ALMS1: variants seen among roughly 807,000 people sequenced by gnomAD.
ALMS1 encodes centrosome-associated protein ALMS1.
Under a neutral mutation model 352.2 loss-of-function variants are expected in ALMS1, and 271 were observed. The observed-to-expected ratio is 0.77, with a 90% CI of 0.70 to 0.85. The LOEUF is 0.85. ALMS1 is among the 40% of genes least tolerant of loss of function. ALMS1 has a pLI of 0.00. For synonymous variants in ALMS1, 1,865 were observed against 1,761.2 expected (o/e 1.06, Z -1.48); for missense variants, 5,445 against 4,870.7 (o/e 1.12, Z -3.51).
At position 73,416,823 on chromosome 2, in the gene ALMS1, T is replaced by G. The variant is rs143234558; in HGVS notation, c.451-2300T>G. The stretch of plus-strand genomic sequence containing the variant: ...GAATTATTTAACCAAAGATTTTACA[T>G]AAAGACTCAAAAACTTGTAATCCCA... On this transcript the variant is annotated intron_variant, in intron 2 of 22. Coordinates refer to ENST00000613296, the MANE Select transcript of ALMS1 (RefSeq NM_001378454.1). 2.0e-5 allele frequency among the ~76,000 whole-genome samples: 3 copies of G among 152,290 alleles called. No individual in the cohort carries two copies. In the East Asian group the frequency reaches 5.8e-4, roughly 29 times the overall value.
At chr2:73,474,140 ATT>A (rs200469759) in intron 9 of ALMS1, among the ~76,000 whole-genome samples, 7 of 150,578 alleles carry the variant, frequency 4.6e-5, no homozygotes, top group Non-Finnish European at 8.9e-5. Flanking sequence ...GCTTTAACAG[ATT>A]TTTTTTTTAA....
intron 11 of ALMS1, 96 bp from the exon 12 acceptor site, chr2:73,534,728 C>A: frequency 7.3e-7 from 1 of 1,375,020 alleles, no homozygotes; most frequent in Non-Finnish European, 1.0e-6. Flanking sequence ...TTCCAAAAGT[C>A]ATGAACACTG....
At chr2:73,583,485 A>T (rs1675234024) in intron 16 of ALMS1, among the ~76,000 whole-genome samples, 1 of 152,076 alleles carries the variant, frequency 6.6e-6, no homozygotes, top group African/African-American at 2.4e-5. Flanking sequence ...CCTGATGTAC[A>T]AGTTTTTAAG....
intron 12 of ALMS1, among the ~76,000 whole-genome samples, chr2:73,535,693 A>C (rs1674012696): frequency 6.6e-6 from 1 of 152,174 alleles, no homozygotes; most frequent in African/African-American, 2.4e-5. Context: ...TAGGAAATGA[A>C]TAATACCCCA....
At chr2:73,520,915 C>T (rs1298430472) in intron 11 of ALMS1, among the ~76,000 whole-genome samples, 1 of 152,088 alleles carries the variant, frequency 6.6e-6, no homozygotes, top group African/African-American at 2.4e-5. Context: ...GGAGACTTTA[C>T]TAATTTTTAA....
chr2:73,402,239 CCTTTTCTTT>C (rs1292971421), intron 1 of ALMS1, among the ~76,000 whole-genome samples: 12 of 147,620 alleles, frequency 8.1e-5, no homozygotes, highest in African/African-American at 2.5e-4. Flanking sequence ...GAAAAGTAGT[CCTTTTCTTT>C]CTTTTCTTTC....
intron 16 of ALMS1, among the ~76,000 whole-genome samples, chr2:73,578,083 T>A (rs1280075877): frequency 6.6e-6 from 1 of 152,200 alleles, no homozygotes; most frequent in African/African-American, 2.4e-5. Flanking sequence ...TGTATGTTCA[T>A]AATTGTTATA....
chr2:73,559,646 A>C (rs1286924648), intron 15 of ALMS1, among the ~76,000 whole-genome samples: 1 of 152,206 alleles, frequency 6.6e-6, no homozygotes, highest in Non-Finnish European at 1.5e-5. Flanking sequence ...GGAACAGCCT[A>C]CATAAGGAGA....
chr2:73,601,426 C>A lies in ALMS1; in HGVS notation c.12104C>A (p.Ala4035Glu), dbSNP rs1282752245. The change falls in exon 19 of 23, where the codon GCA becomes GAA. Residue 4035 changes from alanine (A) to glutamate (E), a missense_variant. Transcript: ENST00000613296. Reference protein sequence around the residue: ...GRDLLRPFVRATLQESLQFHR... With the variant: ...GRDLLRPFVRETLQESLQFHR... The stretch of plus-strand genomic sequence containing the variant: ...GACCTACTGAGGCCATTTGTGAGAG[C>A]AACCCTTCAGGTGCAGTGACGTTGA... 6.2e-7 allele frequency: 1 copy of A among 1,614,052 alleles called. No individual in the cohort carries two copies. The highest frequency in any genetic ancestry group is 1.7e-5 in the Admixed American group (1 of 60,024).
Position 73,490,993 on chromosome 2 carries a change from G to A in ALMS1, c.9034G>A (p.Val3012Ile), listed in dbSNP as rs745639518. ...KPKSHISNIN[V>I]EAKFNTVVSQ... ...TAAATCACACATTTCTAATATAAAT[G>A]TTGAAGCCAAGTTCAATACTGTGGT... The change falls in exon 10 of 23, where the codon GTT (valine) becomes ATT (isoleucine). Residue 3012 changes from valine (V) to isoleucine (I), a missense_variant. Physicochemically the swap from Val to Ile is conservative, Grantham distance 29. Coordinates refer to ENST00000613296, the MANE Select transcript of ALMS1 (RefSeq NM_001378454.1). 2 of 1,614,212 alleles carry A rather than the reference G, an allele frequency of 1.2e-6. No individual in the cohort carries two copies. Among genetic ancestry groups the A allele is most frequent in the Non-Finnish European group, 1.7e-6 (2 of 1,180,028 alleles).
chr2:73,474,414 T>C (rs1167594234), intron 9 of ALMS1, among the ~76,000 whole-genome samples: 2 of 151,342 alleles, frequency 1.3e-5, no homozygotes, highest in Non-Finnish European at 3.0e-5. Context: ...TGTGTGTCTA[T>C]TGGTTTACAT....
In ALMS1 at chr2:73,465,083, A is replaced by G. The variant is rs369450209; in HGVS notation, c.7674+9788A>G. Among the ~76,000 whole-genome samples, 47 of 152,334 alleles carry G rather than the reference A, an allele frequency of 3.1e-4. No individual in the cohort carries two copies. In the South Asian group the frequency reaches 6.6e-3, roughly 21 times the overall value. On this transcript the variant is annotated intron_variant, in intron 9 of 22. Transcript: ENST00000613296. ...CTACCAGTGGTAATTTATAGATTCAATGCCATCCCCATCAAGCTACCGGTG... is the reference window on the plus strand; with the variant it reads ...CTACCAGTGGTAATTTATAGATTCAGTGCCATCCCCATCAAGCTACCGGTG...
In ALMS1 at chr2:73,415,302, T is replaced by G. The variant is rs1206497255; in HGVS notation, c.451-3821T>G. On this transcript the variant is annotated intron_variant, in intron 2 of 22. Coordinates refer to ENST00000613296, the MANE Select transcript of ALMS1 (RefSeq NM_001378454.1). ...GTTGAACAGAGGTTGTTTTAAAAATTCAGTTTATAATGGGAAATTATAAGA... is the reference window on the plus strand; with the variant it reads ...GTTGAACAGAGGTTGTTTTAAAAATGCAGTTTATAATGGGAAATTATAAGA... Among the ~76,000 whole-genome samples the G allele has an allele frequency of 4.6e-5, 7 of 152,154 alleles. No homozygotes were observed. In the East Asian group the frequency reaches 1.3e-3, roughly 29 times the overall value.
chr2:73,462,249 G>A (rs918898689), intron 9 of ALMS1, among the ~76,000 whole-genome samples: 16 of 152,194 alleles, frequency 1.1e-4, no homozygotes, highest in Admixed American at 9.8e-4. Flanking sequence ...CAGACTAACA[G>A]CGGATCTCTC....
At chr2:73,608,611 G>A in intron 22 of ALMS1, 37 bp downstream of exon 22, 1 of 1,509,400 alleles carries the variant, frequency 6.6e-7, no homozygotes, top group African/African-American at 1.4e-5. Flanking sequence ...GATGGATCAG[G>A]TTTATTGGCG....
At position 73,385,988 on chromosome 2, in the gene ALMS1, AGTGGTCGTGGAGGAGGT is replaced by A; in HGVS notation, c.122_138del (p.Val41GlyfsTer80). 6.5e-7 allele frequency: 1 copy of A among 1,548,150 alleles called. No homozygotes were observed. The highest frequency in any genetic ancestry group is 1.2e-5 in the South Asian group (1 of 83,560). On this transcript the variant is annotated frameshift_variant, in exon 1 of 23. Coordinates refer to ENST00000613296, the MANE Select transcript of ALMS1 (RefSeq NM_001378454.1). LOFTEE classifies it high-confidence loss of function. ...CGGCGGCGGCGAACGTGGACGACGT[AGTGGTCGTGGAGGAGGT>A]GGAGGAAGAGGCGGGGCGGGAGTTG...
At chr2:73,460,562 A>G (rs572212106) in intron 9 of ALMS1, among the ~76,000 whole-genome samples, 1 of 152,186 alleles carries the variant, frequency 6.6e-6, no homozygotes, top group Non-Finnish European at 1.5e-5. Context: ...TACCGGGTTC[A>G]TCTCACTAGG....
intron 17 of ALMS1, 130 bp downstream of exon 17, chr2:73,599,651 G>A (rs951114120): frequency 7.8e-6 from 9 of 1,149,436 alleles, no homozygotes; most frequent in Non-Finnish European, 1.0e-5. Flanking sequence ...TTTTCATCTT[G>A]TCAGATTGGC....
chr2:73,609,696 A>T lies in ALMS1; in HGVS notation c.*84A>T. The T allele has an allele frequency of 7.6e-7, 1 of 1,310,684 alleles. No individual in the cohort carries two copies. 81.2% of individuals were successfully genotyped at this position (1,310,684 alleles called of 1,614,324 possible). A position where few individuals can be genotyped will look rare whatever the true frequency, so the allele number is the denominator to read the frequency against. On this transcript the variant is annotated 3_prime_UTR_variant, in exon 23 of 23. Transcript: ENST00000613296. ...ATCCTTACTTTTGTGAGTCTGGTTGAATAAAGCTTATTCTTTGTCCATGTG... is the reference window on the plus strand; with the variant it reads ...ATCCTTACTTTTGTGAGTCTGGTTGTATAAAGCTTATTCTTTGTCCATGTG...
Sources: gnomAD v4.1 joint callset for allele counts (sites outside exome capture counted in the v4.1 genomes callset) on GRCh38, gnomAD v4.1.1 for gene constraint, MANE v1.5 for transcripts, NCBI Gene and HGNC (gene_info 2026-07-23, HGNC 2026-07-21) for gene names.